The following RASA1 variants were observed in gnomAD, a reference collection of about 807,000 sequenced individuals.
The protein encoded by RASA1 is RAS p21 protein activator 1.
In RASA1, 25 loss-of-function variants were observed where a neutral mutation model predicts 132.2. The observed-to-expected ratio is 0.19, with a 90% CI of 0.14 to 0.26. RASA1 has a LOEUF of 0.26. RASA1 is among the 10% of genes least tolerant of loss of function. The probability of loss-of-function intolerance (pLI) is 1.00; values close to 1 mark genes in which losing one functional copy is unlikely to be tolerated. For missense variants in RASA1, 964 were observed against 1,299.2 expected, an observed-to-expected ratio of 0.74 and a Z score of 3.97; for synonymous variants, 477 against 449.9, an observed-to-expected ratio of 1.06 and a Z score of -0.76.
intron 1 of RASA1, among the ~76,000 whole-genome samples, chr5:87,306,417 A>G (rs961291521): frequency 1.3e-5 from 2 of 152,132 alleles, no homozygotes; most frequent in Non-Finnish European, 2.9e-5. Flanking sequence ...GAGCTGAATG[A>G]TCTGAACACA....
intron 1 of RASA1, among the ~76,000 whole-genome samples, chr5:87,302,501 G>GT (rs1381658733): frequency 3.4e-5 from 5 of 147,698 alleles, no homozygotes; most frequent in Middle Eastern, 3.5e-3. Context: ...TCGCACTGTT[G>GT]TTTTTTTAAC....
intron 8 of RASA1, 71 bp from the exon 9 acceptor site, chr5:87,353,086 G>A: frequency 1.6e-6 from 2 of 1,244,222 alleles, no homozygotes; most frequent in Admixed American, 1.8e-5. Context: ...TGGCAAGAAA[G>A]TTTACACATA....
At chr5:87,374,706 T>A in intron 14 of RASA1, 134 bp from the exon 15 acceptor site, 1 of 1,267,302 alleles carries the variant, frequency 7.9e-7, no homozygotes, top group African/African-American at 1.5e-5. Context: ...ATGTTGTGAA[T>A]CTGGTTTTAG....
At chr5:87,387,632 T>TAA (rs1561331827) in intron 23 of RASA1, among the ~76,000 whole-genome samples, 10 of 152,134 alleles carry the variant, frequency 6.6e-5, no homozygotes, top group African/African-American at 2.4e-4. Context: ...GATTGGAGAT[T>TAA]GAGGTGTCCA....
chr5:87,288,074 A>G (rs1754751729), intron 1 of RASA1, among the ~76,000 whole-genome samples: 1 of 133,248 alleles, frequency 7.5e-6, no homozygotes, highest in South Asian at 2.5e-4. Context: ...CCATATATAT[A>G]CCATATATAC....
chr5:87,288,702 G>A (rs1754786647), intron 1 of RASA1, among the ~76,000 whole-genome samples: 1 of 152,030 alleles, frequency 6.6e-6, no homozygotes, highest in African/African-American at 2.4e-5. Context: ...TTGGATATAG[G>A]CTTTTTTTTG....
intron 1 of RASA1, chr5:87,318,651 G>A (rs968499874): frequency 1.3e-5 from 2 of 152,220 alleles, no homozygotes; most frequent in African/African-American, 4.8e-5. Flanking sequence ...TTGCTCCCAT[G>A]ATCCAATCAC....
At chr5:87,306,921 C>A (rs549101281) in intron 1 of RASA1, among the ~76,000 whole-genome samples, 1 of 152,208 alleles carries the variant, frequency 6.6e-6, no homozygotes, top group Non-Finnish European at 1.5e-5. Context: ...TGCAATGGTA[C>A]GATCATAGCT....
At chr5:87,285,968 T>G (rs1754541877) in intron 1 of RASA1, among the ~76,000 whole-genome samples, 1 of 151,924 alleles carries the variant, frequency 6.6e-6, no homozygotes, top group African/African-American at 2.4e-5. Flanking sequence ...TCTAGATTGT[T>G]CTATTCTACC....
At chr5:87,388,822 T>TAAG (rs1762251128) in intron 23 of RASA1, among the ~76,000 whole-genome samples, 2 of 152,204 alleles carry the variant, frequency 1.3e-5, no homozygotes, top group Admixed American at 1.3e-4. Flanking sequence ...CTAGGAATTT[T>TAAG]AAGTTTAGGC....
Position 87,376,410 on chromosome 5 carries a change from T to C in RASA1, c.2029T>C (p.Leu677=), listed in dbSNP as rs905211143. 2 of 1,613,898 alleles carry C rather than the reference T, an allele frequency of 1.2e-6. No individual in the cohort carries two copies. The highest frequency in any genetic ancestry group is 2.7e-5 in the African/African-American group (2 of 74,942). ...TTCCCAAGTATTTATGCGCTGCCAGTTGAGCCGATTACAGAAAGGGCATGC... is the reference window on the plus strand; with the variant it reads ...TTCCCAAGTATTTATGCGCTGCCAGCTGAGCCGATTACAGAAAGGGCATGC... ...DPDILFMRCQ[L]SRLQKGHATD... The change falls in exon 16 of 25, where the codon TTG becomes CTG. Residue 677 remains leucine (L), a synonymous_variant. Transcript: ENST00000274376.
In RASA1 at chr5:87,268,942, A is replaced by T. The variant is rs768330280; in HGVS notation, c.491A>T (p.Tyr164Phe). ...DEGDSLDGPE[Y>F]EEEEVAIPLT... is the part of the protein sequence containing the mutation. Reference sequence around the variant, plus strand: ...GGTGACTCTCTGGATGGACCAGAATACGAGGAGGAAGAGGTGGCCATACCG... The same window carrying T: ...GGTGACTCTCTGGATGGACCAGAATTCGAGGAGGAAGAGGTGGCCATACCG... The change falls in exon 1 of 25, where the codon TAC becomes TTC. Residue 164 changes from tyrosine (Y) to phenylalanine (F), a missense_variant. Coordinates refer to ENST00000274376, the MANE Select transcript of RASA1 (RefSeq NM_002890.3). The T allele has an allele frequency of 6.2e-7, 1 of 1,614,088 alleles. No individual in the cohort carries two copies. Among genetic ancestry groups the T allele is most frequent in the African/African-American group, 1.3e-5 (1 of 74,934 alleles).
Position 87,324,347 on chromosome 5 carries a change from G to GT in RASA1, c.540-6993dup, listed in dbSNP as rs912548428. On this transcript the variant is annotated intron_variant, in intron 1 of 24. Coordinates refer to ENST00000274376, the MANE Select transcript of RASA1 (RefSeq NM_002890.3). Reference sequence around the variant, plus strand: ...GCATAACATTTCTTGGAGAGGTGTGGTTTTTTTTCTTCCCTTCGTTATCTG... The same window carrying GT: ...GCATAACATTTCTTGGAGAGGTGTGGTTTTTTTTTCTTCCCTTCGTTATCTG... Among the ~76,000 whole-genome samples, 162 of 152,002 alleles carry GT rather than the reference G, an allele frequency of 1.1e-3. 1 individual carries two copies. The highest frequency in any genetic ancestry group is 3.7e-3 in the African/African-American group (154 of 41,454).
intron 11 of RASA1, chr5:87,366,224 A>G (rs1246638074): frequency 1.0e-5 from 2 of 196,056 alleles, no homozygotes; most frequent in African/African-American, 2.3e-5. Context: ...GAGGTTAAAA[A>G]TGATTCACTA....
chr5:87,361,059 ATTAT>A (rs1424396316), intron 9 of RASA1, among the ~76,000 whole-genome samples: 3 of 152,114 alleles, frequency 2.0e-5, no homozygotes, highest in Non-Finnish European at 4.4e-5. Context: ...TGCAGTAGAG[ATTAT>A]TTATTTCAGT....
intron 8 of RASA1, among the ~76,000 whole-genome samples, chr5:87,350,821 C>A (rs1026264964): frequency 6.6e-6 from 1 of 151,310 alleles, no homozygotes; most frequent in Non-Finnish European, 1.5e-5. Flanking sequence ...TTTATAAATT[C>A]ATCTTATTGT....
At chr5:87,360,275 C>T (rs773198374) in intron 9 of RASA1, among the ~76,000 whole-genome samples, 21 of 151,964 alleles carry the variant, frequency 1.4e-4, no homozygotes, top group African/African-American at 3.9e-4. Flanking sequence ...TACAGGCACG[C>T]GCCACCACGC....
intron 1 of RASA1, among the ~76,000 whole-genome samples, chr5:87,275,236 A>G (rs571459926): frequency 6.6e-5 from 10 of 152,338 alleles, no homozygotes; most frequent in South Asian, 2.1e-4. Context: ...AACTATAACA[A>G]TGGTTACCAC....
At position 87,333,352 on chromosome 5, in the gene RASA1, A is replaced by T; in HGVS notation, c.899+15A>T. ...GATGAAATAAGGTATTTTATAATCT[A>T]TTCTCATGTATAGGCATTTGAAAGA... On this transcript the variant is annotated intron_variant, in intron 4 of 24. Transcript: ENST00000274376. 6.2e-7 allele frequency: 1 copy of T among 1,612,432 alleles called. No homozygotes were observed. Among genetic ancestry groups the T allele is most frequent in the Non-Finnish European group, 8.5e-7 (1 of 1,179,138 alleles).
Sources: gnomAD v4.1 joint callset for allele counts (sites outside exome capture counted in the v4.1 genomes callset) on GRCh38, gnomAD v4.1.1 for gene constraint, MANE v1.5 for transcripts, NCBI Gene and HGNC (gene_info 2026-07-23, HGNC 2026-07-21) for gene names.